The following HS6ST3 variants were observed in gnomAD, a reference collection of about 807,000 sequenced individuals.
HS6ST3 encodes heparan-sulfate 6-O-sulfotransferase 3.
HS6ST3 carries 12 observed loss-of-function variants against 36.7 expected under a neutral mutation model. That is an observed-to-expected ratio of 0.33 (90% CI 0.21 to 0.53). The LOEUF is 0.53. Ranked by LOEUF, HS6ST3 falls within the 20% of genes least tolerant of loss-of-function variation. The probability of loss-of-function intolerance (pLI) is 0.95; values close to 1 mark genes in which losing one functional copy is unlikely to be tolerated. For synonymous variants in HS6ST3, 240 were observed against 257.5 expected (o/e 0.93, Z 0.65); for missense variants, 584 against 640.9 (o/e 0.91, Z 0.96).
At chr13:96,325,177 G>T (rs2055024294) in intron 1 of HS6ST3, among the ~76,000 whole-genome samples, 1 of 152,116 alleles carries the variant, frequency 6.6e-6, no homozygotes, top group Non-Finnish European at 1.5e-5. Context: ...CAAATAGAAT[G>T]AAAGATCATA....
intron 1 of HS6ST3, among the ~76,000 whole-genome samples, chr13:96,330,094 T>C (rs1323742342): frequency 7.1e-6 from 1 of 140,160 alleles, no homozygotes; most frequent in African/African-American, 2.7e-5. Flanking sequence ...GTGAGATGGG[T>C]TTCCTGAATA....
chr13:96,453,180 TA>T lies in HS6ST3; in HGVS notation c.707+361627del, dbSNP rs56996268. 5.6e-3 allele frequency among the ~76,000 whole-genome samples: 756 copies of T among 135,660 alleles called. 1 individual carries two copies. The highest frequency in any genetic ancestry group is 0.038 in the Middle Eastern group (10 of 264). The allele number at this position is 135,660 out of a possible 152,430, so 89.0% of individuals were successfully genotyped here. On this transcript the variant is annotated intron_variant, in intron 1 of 1. Coordinates refer to ENST00000376705, the MANE Select transcript of HS6ST3 (RefSeq NM_153456.4). ...TTGCCCTGGAGGAAAATGCTCTTTTTAAAAAAAAAAAAAAAAGAAAAAAAGA... is the reference window on the plus strand; with the variant it reads ...TTGCCCTGGAGGAAAATGCTCTTTTTAAAAAAAAAAAAAAAGAAAAAAAGA...
At chr13:96,341,687 T>G (rs2055131036) in intron 1 of HS6ST3, among the ~76,000 whole-genome samples, 1 of 152,112 alleles carries the variant, frequency 6.6e-6, no homozygotes, top group Non-Finnish European at 1.5e-5. Context: ...GAAATGGAGA[T>G]CGATGGGCTC....
chr13:96,674,950 A>G (rs747133757), intron 1 of HS6ST3, among the ~76,000 whole-genome samples: 3 of 152,112 alleles, frequency 2.0e-5, no homozygotes, highest in Non-Finnish European at 4.4e-5. Flanking sequence ...TCAGGAGGAG[A>G]GATAAATGCA....
At chr13:96,411,767 A>G (rs988952084) in intron 1 of HS6ST3, among the ~76,000 whole-genome samples, 55 of 152,336 alleles carry the variant, frequency 3.6e-4, no homozygotes, top group African/African-American at 1.3e-3. Flanking sequence ...GGAAGTGTCA[A>G]TGAGGGATGG....
At chr13:96,496,913 C>G (rs2055979763) in intron 1 of HS6ST3, among the ~76,000 whole-genome samples, 1 of 152,136 alleles carries the variant, frequency 6.6e-6, no homozygotes, top group South Asian at 2.1e-4. Context: ...ATTTAGAAGA[C>G]TAACACACAT....
intron 1 of HS6ST3, among the ~76,000 whole-genome samples, chr13:96,745,019 C>A (rs190918087): frequency 6.6e-6 from 1 of 152,112 alleles, no homozygotes; most frequent in East Asian, 1.9e-4. Flanking sequence ...CCATGTTGAA[C>A]AACTACTAAC....
At chr13:96,685,720 C>A (rs911651156) in intron 1 of HS6ST3, among the ~76,000 whole-genome samples, 1 of 152,036 alleles carries the variant, frequency 6.6e-6, no homozygotes, top group East Asian at 1.9e-4. Context: ...AAAATATATT[C>A]TCTTAAACAC....
At chr13:96,267,924 G>C (rs942885708) in intron 1 of HS6ST3, among the ~76,000 whole-genome samples, 1 of 151,786 alleles carries the variant, frequency 6.6e-6, no homozygotes, top group East Asian at 1.9e-4. Context: ...AAACACTCAG[G>C]CCTCTTCTCA....
At chr13:96,431,161 T>C (rs1010279285) in intron 1 of HS6ST3, among the ~76,000 whole-genome samples, 4 of 151,884 alleles carry the variant, frequency 2.6e-5, no homozygotes, top group African/African-American at 9.7e-5. Flanking sequence ...CCGAGATTGC[T>C]CCACTGCGCT....
intron 1 of HS6ST3, among the ~76,000 whole-genome samples, chr13:96,493,385 C>T (rs976434495): frequency 1.3e-5 from 2 of 152,040 alleles, no homozygotes; most frequent in South Asian, 2.1e-4. Flanking sequence ...GCCAATAGAG[C>T]GTTTTGCTAC....
intron 1 of HS6ST3, among the ~76,000 whole-genome samples, chr13:96,526,154 G>A (rs918692516): frequency 6.6e-6 from 1 of 152,186 alleles, no homozygotes; most frequent in African/African-American, 2.4e-5. Context: ...AGCTTGTTCA[G>A]TATGTTAAAG....
At chr13:96,828,503 T>A (rs1053757528) in intron 1 of HS6ST3, among the ~76,000 whole-genome samples, 1 of 152,216 alleles carries the variant, frequency 6.6e-6, no homozygotes, top group African/African-American at 2.4e-5. Flanking sequence ...TTCTTTCTTA[T>A]AATATAGTGA....
intron 1 of HS6ST3, among the ~76,000 whole-genome samples, chr13:96,796,597 A>G (rs1020098808): frequency 3.3e-5 from 5 of 152,128 alleles, no homozygotes; most frequent in African/African-American, 9.7e-5. Context: ...ATAATTTTAG[A>G]TGCTTTATAA....
At chr13:96,681,939 T>A (rs1266324251) in intron 1 of HS6ST3, among the ~76,000 whole-genome samples, 1 of 152,140 alleles carries the variant, frequency 6.6e-6, no homozygotes, top group Non-Finnish European at 1.5e-5. Flanking sequence ...TTACCCTCAG[T>A]GCAAAGTCTG....
chr13:96,646,444 A>T (rs1313491166), intron 1 of HS6ST3, among the ~76,000 whole-genome samples: 1 of 152,062 alleles, frequency 6.6e-6, no homozygotes, highest in Non-Finnish European at 1.5e-5. Context: ...AGTCACAGAA[A>T]AATTAGGACA....
chr13:96,216,566 T>C (rs2054427151), intron 1 of HS6ST3, among the ~76,000 whole-genome samples: 1 of 152,198 alleles, frequency 6.6e-6, no homozygotes, highest in Non-Finnish European at 1.5e-5. Flanking sequence ...ACTCAACAAC[T>C]GGATTAGTGC....
At chr13:96,124,727 A>G (rs771287730) in intron 1 of HS6ST3, among the ~76,000 whole-genome samples, 15 of 152,322 alleles carry the variant, frequency 9.8e-5, no homozygotes, top group Admixed American at 5.2e-4. Flanking sequence ...TGGTTTAACT[A>G]AGCAGTTTTC....
At chr13:96,507,901 A>C (rs1007516757) in intron 1 of HS6ST3, among the ~76,000 whole-genome samples, 6 of 152,136 alleles carry the variant, frequency 3.9e-5, no homozygotes, top group Non-Finnish European at 8.8e-5. Flanking sequence ...AGCTGACAGA[A>C]CCTAACACAA....
Sources: allele counts gnomAD v4.1 joint callset (sites outside exome capture counted in the v4.1 genomes callset), GRCh38; gene constraint gnomAD v4.1.1; transcripts MANE v1.5; gene names NCBI Gene and HGNC (gene_info 2026-07-23, HGNC 2026-07-21).